The following GABRG3 variants were observed in gnomAD, a reference collection of about 807,000 sequenced individuals.
GABRG3 encodes the protein gamma-aminobutyric acid receptor subunit gamma-3.
A neutral mutation model predicts 48.8 loss-of-function variants in GABRG3; 25 were observed. The ratio of observed to expected loss-of-function variants is 0.51; its 90% CI spans 0.37 to 0.72. The LOEUF is 0.72. GABRG3 is among the 30% of genes least tolerant of loss of function. The pLI, the probability that GABRG3 is intolerant of heterozygous loss-of-function variation, is 0.00. For synonymous variants in GABRG3, 227 were observed against 217.6 expected (o/e 1.04, Z -0.38); for missense variants, 394 against 577.9 (o/e 0.68, Z 3.26).
At chr15:27,508,929 C>T (rs1356982566) in intron 6 of GABRG3, among the ~76,000 whole-genome samples, 1 of 152,052 alleles carries the variant, frequency 6.6e-6, no homozygotes. Flanking sequence ...CCGTGTTAGC[C>T]GGGATGCTTT....
intron 5 of GABRG3, among the ~76,000 whole-genome samples, chr15:27,412,290 C>T (rs1480612669): frequency 1.3e-5 from 2 of 152,066 alleles, no homozygotes; most frequent in African/African-American, 2.4e-5. Flanking sequence ...AGACACAGAA[C>T]ATTTCCACCA....
chr15:27,533,022 A>G lies in GABRG3; in HGVS notation c.*141A>G. On this transcript the variant is annotated 3_prime_UTR_variant, in exon 10 of 10. Transcript: ENST00000615808. ...GTTATAAATGACCTTTCAGCAACAC[A>G]GGAAGTACCCAGCAAAGGTTTCTAT... The G allele has an allele frequency of 1.4e-6, 1 of 710,472 alleles. No homozygotes were observed. The highest frequency in any genetic ancestry group is 2.7e-5 in the East Asian group (1 of 36,944). The allele number at this position is 710,472 out of a possible 1,614,324, so 44.0% of individuals were successfully genotyped here.
chr15:27,518,195 C>CAAAA (rs58222645), intron 6 of GABRG3, among the ~76,000 whole-genome samples: 17 of 88,024 alleles, frequency 1.9e-4, no homozygotes, highest in Admixed American at 6.3e-4. Context: ...ACTAAAAATA[C>CAAAA]AAAAAAAAAA....
rs567831653 is a variant in GABRG3 at position 27,468,345 on chromosome 15, TTC to T, written c.575-12302_575-12301del. ...AATATTCCTGGAAAAACGTGGAGAC[TTC>T]TCAGAACTGTGGTGCCACCCATTTT... On this transcript the variant is annotated intron_variant, in intron 5 of 9. Coordinates refer to ENST00000615808, the MANE Select transcript of GABRG3 (RefSeq NM_033223.5). 2.0e-5 allele frequency among the ~76,000 whole-genome samples: 3 copies of T among 152,206 alleles called. No individual in the cohort carries two copies. The South Asian group carries it at 6.4e-4, about 32-fold the overall frequency.
chr15:27,064,367 G>A (rs1306787627), intron 3 of GABRG3, among the ~76,000 whole-genome samples: 2 of 152,138 alleles, frequency 1.3e-5, no homozygotes, highest in Non-Finnish European at 2.9e-5. Context: ...TGGTTGCGCT[G>A]GAGTCATGTG....
At chr15:27,145,142 A>C (rs539804874) in intron 3 of GABRG3, among the ~76,000 whole-genome samples, 1 of 91,744 alleles carries the variant, frequency 1.1e-5, no homozygotes, top group East Asian at 2.8e-4. Context: ...AACCATATAC[A>C]GGGAAAAATA....
intron 5 of GABRG3, among the ~76,000 whole-genome samples, chr15:27,438,504 A>C (rs1454544771): frequency 2.0e-5 from 3 of 152,224 alleles, no homozygotes; most frequent in Non-Finnish European, 4.4e-5. Flanking sequence ...AAATGCTTCC[A>C]GCTCTGGAAC....
intron 5 of GABRG3, among the ~76,000 whole-genome samples, chr15:27,450,781 A>AG (rs1889087618): frequency 6.6e-6 from 1 of 152,150 alleles, no homozygotes; most frequent in African/African-American, 2.4e-5. Context: ...AAAATGTCTC[A>AG]GGTTGCAAAT....
At chr15:27,276,334 T>A (rs1002358878) in intron 3 of GABRG3, among the ~76,000 whole-genome samples, 3 of 152,192 alleles carry the variant, frequency 2.0e-5, no homozygotes, top group Non-Finnish European at 4.4e-5. Context: ...TATTGACAGA[T>A]CCCGAATATG....
At chr15:27,324,178 A>G (rs1212483521) in intron 3 of GABRG3, among the ~76,000 whole-genome samples, 1 of 152,236 alleles carries the variant, frequency 6.6e-6, no homozygotes, top group Non-Finnish European at 1.5e-5. Context: ...AGGCAACTCA[A>G]AAGGTCAACC....
chr15:27,466,697 C>T (rs548727195), intron 5 of GABRG3, among the ~76,000 whole-genome samples: 9 of 152,244 alleles, frequency 5.9e-5, no homozygotes, highest in South Asian at 2.1e-4. Context: ...CCTCTTAAAC[C>T]GTTGTATCCT....
At chr15:27,126,859 C>T (rs751116196) in intron 3 of GABRG3, among the ~76,000 whole-genome samples, 1 of 152,070 alleles carries the variant, frequency 6.6e-6, no homozygotes, top group Non-Finnish European at 1.5e-5. Context: ...CAGGTGACAG[C>T]GATGGTGATG....
At chr15:27,395,800 G>A (rs557645969) in intron 5 of GABRG3, among the ~76,000 whole-genome samples, 8 of 152,238 alleles carry the variant, frequency 5.3e-5, no homozygotes, top group African/African-American at 1.9e-4. Flanking sequence ...ATTTGGGTTG[G>A]GCAAGCATTT....
chr15:27,423,433 T>G (rs941112704), intron 5 of GABRG3, among the ~76,000 whole-genome samples: 1 of 151,956 alleles, frequency 6.6e-6, no homozygotes, highest in African/African-American at 2.4e-5. Flanking sequence ...TTCCTATATG[T>G]AGGGAAAGGA....
At chr15:27,308,947 A>G (rs893439375) in intron 3 of GABRG3, among the ~76,000 whole-genome samples, 20 of 143,308 alleles carry the variant, frequency 1.4e-4, no homozygotes, top group Admixed American at 6.7e-5. Context: ...TATAATGTAA[A>G]CATGTTTATA....
intron 3 of GABRG3, among the ~76,000 whole-genome samples, chr15:27,038,213 A>G (rs1410338225): frequency 1.3e-5 from 2 of 152,170 alleles, no homozygotes; most frequent in Admixed American, 1.3e-4. Context: ...TCCAAGTCTA[A>G]GACTGGGAAG....
chr15:27,402,933 A>G (rs8027863), intron 5 of GABRG3, among the ~76,000 whole-genome samples: 1,752 of 152,228 alleles, frequency 0.012, 43 homozygotes, highest in African/African-American at 0.041. Context: ...AATGCCTCAC[A>G]TAGGTCTAGA....
At chr15:27,491,498 C>T (rs1229291363) in intron 6 of GABRG3, among the ~76,000 whole-genome samples, 2 of 152,118 alleles carry the variant, frequency 1.3e-5, no homozygotes, top group Admixed American at 6.5e-5. Context: ...CATACAGAAA[C>T]CAAAAAATTC....
intron 3 of GABRG3, among the ~76,000 whole-genome samples, chr15:27,141,932 G>A (rs1327420267): frequency 6.6e-6 from 1 of 152,032 alleles, no homozygotes; most frequent in Non-Finnish European, 1.5e-5. Context: ...CTGTCTTCAT[G>A]TATTTTAATG....
Sources: allele counts gnomAD v4.1 joint callset (sites outside exome capture counted in the v4.1 genomes callset), GRCh38; gene constraint gnomAD v4.1.1; transcripts MANE v1.5; gene names NCBI Gene and HGNC (gene_info 2026-07-23, HGNC 2026-07-21).